CDK13: variants seen among roughly 807,000 people sequenced by gnomAD.
CDK13 encodes cyclin dependent kinase 13.
CDK13 carries 40 observed loss-of-function variants against 137.6 expected under a neutral mutation model. That is an observed-to-expected ratio of 0.29 (90% CI 0.23 to 0.38). The LOEUF (loss-of-function observed/expected upper bound fraction) is 0.38, where lower values mean the gene tolerates loss of function less well. Ranked by LOEUF, CDK13 falls within the 10% of genes least tolerant of loss-of-function variation. The pLI is 1.00. For missense variants in CDK13, 1,704 were observed against 1,951.8 expected, an observed-to-expected ratio of 0.87 and a Z score of 2.39; for synonymous variants, 869 against 760.1, an observed-to-expected ratio of 1.14 and a Z score of -2.36.
At chr7:40,069,523 TAAATG>T (rs1786363777) in intron 9 of CDK13, 2 of 304,444 alleles carry the variant, frequency 6.6e-6, no homozygotes, top group East Asian at 1.5e-4. Context: ...TTGTGAGAAT[TAAATG>T]TAAATAAGTT....
chr7:40,080,233 C>T (rs996263794), intron 11 of CDK13, among the ~76,000 whole-genome samples: 1 of 152,104 alleles, frequency 6.6e-6, no homozygotes, highest in Non-Finnish European at 1.5e-5. Flanking sequence ...GGTGATCCAC[C>T]CACCTTGGCC....
At chr7:40,081,935 G>T (rs970751498) in intron 11 of CDK13, among the ~76,000 whole-genome samples, 2 of 152,072 alleles carry the variant, frequency 1.3e-5, no homozygotes, top group Admixed American at 1.3e-4. Flanking sequence ...TTTAAATAAA[G>T]AAAAAATTAG....
intron 1 of CDK13, among the ~76,000 whole-genome samples, chr7:39,953,841 C>T (rs1031951456): frequency 4.6e-5 from 7 of 152,090 alleles, no homozygotes; most frequent in Non-Finnish European, 7.3e-5. Flanking sequence ...GTGGGAAGCA[C>T]GTTAGTTAGA....
chr7:40,011,154 G>A (rs1784886114), intron 5 of CDK13, among the ~76,000 whole-genome samples: 1 of 152,158 alleles, frequency 6.6e-6, no homozygotes, highest in African/African-American at 2.4e-5. Flanking sequence ...AGATTCATAT[G>A]CAAATTCAAA....
chr7:40,054,158 G>A (rs530851351), intron 7 of CDK13, among the ~76,000 whole-genome samples: 26 of 151,894 alleles, frequency 1.7e-4, no homozygotes, highest in Non-Finnish European at 3.1e-4. Flanking sequence ...TTTAGTAAAG[G>A]GTCTGCTGAA....
At chr7:40,061,791 G>A (rs1402001208) in intron 7 of CDK13, 1 of 152,184 alleles carries the variant, frequency 6.6e-6, no homozygotes, top group East Asian at 1.9e-4. Context: ...ACCATTCTCT[G>A]AGCGTTGAAC....
intron 5 of CDK13, among the ~76,000 whole-genome samples, chr7:40,023,613 C>T (rs1012240668): frequency 2.0e-5 from 3 of 152,010 alleles, no homozygotes; most frequent in African/African-American, 7.2e-5. Context: ...CATTCTCCTG[C>T]CTCAGCCTTC....
chr7:39,984,107 A>G (rs1173101558), intron 1 of CDK13: 1 of 152,178 alleles, frequency 6.6e-6, no homozygotes, highest in Non-Finnish European at 1.5e-5. Context: ...TCCACACTGT[A>G]TTAATGTCAA....
intron 9 of CDK13, chr7:40,071,326 T>A (rs1365715081): frequency 6.6e-6 from 1 of 152,208 alleles, no homozygotes; most frequent in Non-Finnish European, 1.5e-5. Flanking sequence ...TGTTTTAAAG[T>A]CTATAACGTC....
intron 5 of CDK13, among the ~76,000 whole-genome samples, chr7:40,017,141 CAG>C (rs1562730426): frequency 1.3e-5 from 2 of 152,074 alleles, no homozygotes. Context: ...ACTTAAAAAA[CAG>C]AGATAGTATT....
chr7:40,083,780 G>T (rs997497130), intron 11 of CDK13, among the ~76,000 whole-genome samples: 1 of 152,102 alleles, frequency 6.6e-6, no homozygotes, highest in Non-Finnish European at 1.5e-5. Flanking sequence ...ATTATGGAAT[G>T]TATCTTGTTA....
At chr7:40,093,790 C>T (rs798864) in intron 13 of CDK13, among the ~76,000 whole-genome samples, 8,298 of 151,452 alleles carry the variant, frequency 0.055, 296 homozygotes, top group Non-Finnish European at 0.083. Context: ...CCTGTGATTC[C>T]AGCTACTTGG....
intron 5 of CDK13, among the ~76,000 whole-genome samples, chr7:40,007,864 T>C (rs2116352397): frequency 6.6e-6 from 1 of 152,270 alleles, no homozygotes; most frequent in Non-Finnish European, 1.5e-5. Context: ...TTTGAGTAAG[T>C]GAATGAATGA....
chr7:40,015,239 G>T (rs988601842), intron 5 of CDK13, among the ~76,000 whole-genome samples: 1 of 152,148 alleles, frequency 6.6e-6, no homozygotes. Context: ...CAAAGGGACT[G>T]TTAGGAGTTT....
At position 40,077,982 on chromosome 7, in the gene CDK13, ACTTC is replaced by A. The variant is rs773365530; in HGVS notation, c.2781-19_2781-16del. 2 of 1,101,714 alleles carry A rather than the reference ACTTC, an allele frequency of 1.8e-6. No homozygotes were observed. 68.2% of individuals were successfully genotyped at this position (1,101,714 alleles called of 1,614,324 possible). ...TTCTTTATGTAGTTGATAGTGATGT[ACTTC>A]CTTTTGTGTGTTGCTTAGCCGAATA... On this transcript the variant is annotated intron_variant, in intron 9 of 13. Transcript: ENST00000181839.
chr7:40,005,769 C>G (rs1368163915), intron 5 of CDK13, among the ~76,000 whole-genome samples: 1 of 152,004 alleles, frequency 6.6e-6, no homozygotes, highest in East Asian at 1.9e-4. Context: ...ATTCTGTCAC[C>G]CAAGCTAGCG....
chr7:40,011,497 T>A (rs1784893399), intron 5 of CDK13, among the ~76,000 whole-genome samples: 1 of 152,180 alleles, frequency 6.6e-6, no homozygotes, highest in Non-Finnish European at 1.5e-5. Flanking sequence ...TTTTATAAGC[T>A]CAACTGATTT....
chr7:40,087,090 G>A (rs1367727991), intron 11 of CDK13, among the ~76,000 whole-genome samples: 1 of 151,996 alleles, frequency 6.6e-6, no homozygotes, highest in Non-Finnish European at 1.5e-5. Flanking sequence ...GGCATGAGCT[G>A]CTGCGCCTGG....
rs1584047125 is a variant in CDK13, at chr7:40,056,102, C to T, written c.2601-6724C>T. Among the ~76,000 whole-genome samples, 5 of 152,116 alleles carry T rather than the reference C, an allele frequency of 3.3e-5. No homozygotes were observed. The South Asian group carries it at 1.0e-3, about 32-fold the overall frequency. The stretch of plus-strand genomic sequence containing the variant: ...ACTATATTACTGAATTGGGTGATAC[C>T]TGAAATTGTCCTTATTCTCTTCTGA... On this transcript the variant is annotated intron_variant, in intron 7 of 13. Transcript: ENST00000181839.
Sources: gnomAD v4.1 joint callset for allele counts (sites outside exome capture counted in the v4.1 genomes callset) on GRCh38, gnomAD v4.1.1 for gene constraint, MANE v1.5 for transcripts, NCBI Gene and HGNC (gene_info 2026-07-23, HGNC 2026-07-21) for gene names.